ZNF469: variants seen among roughly 807,000 people sequenced by gnomAD.
The protein encoded by ZNF469 is zinc finger protein 469.
Under a neutral mutation model 1.0 loss-of-function variants are expected in ZNF469, and 1 was observed. The observed-to-expected ratio is 1.00, with a 90% CI of 0.35 to 4.73. The LOEUF is 4.73. ZNF469 is among the 30% of genes most tolerant of loss of function. ZNF469 has a pLI of 0.16. For synonymous variants in ZNF469, 2,703 were observed against 2,363.4 expected, an observed-to-expected ratio of 1.14 and a Z score of -4.17; for missense variants, 6,100 against 5,356.3, an observed-to-expected ratio of 1.14 and a Z score of -4.33.
the ZNF469 span, among the ~76,000 whole-genome samples, chr16:88,347,971 C>G: frequency 5.3e-5 from 8 of 152,232 alleles, no homozygotes; most frequent in African/African-American, 1.9e-4. Context: ...CGCCAGGTGT[C>G]AGGAGCCCAG....
the ZNF469 span, among the ~76,000 whole-genome samples, chr16:88,366,524 CCAT>C: frequency 1.3e-5 from 2 of 148,524 alleles, no homozygotes; most frequent in South Asian, 2.2e-4. Flanking sequence ...ATCATTATCA[CCAT>C]CATCATCATC....
In ZNF469 at chr16:88,437,520, C is replaced by T; in HGVS notation, c.10050C>T (p.Phe3350=). 1.3e-6 allele frequency: 2 copies of T among 1,542,642 alleles called. No individual in the cohort carries two copies. The highest frequency in any genetic ancestry group is 1.8e-6 in the Non-Finnish European group (2 of 1,141,750). Residue 3350 remains phenylalanine (F), a synonymous_variant, in exon 3 of 3, where the codon TTC becomes TTT. Coordinates refer to ENST00000565624, the MANE Select transcript of ZNF469 (RefSeq NM_001367624.2). ...GCGGGAAGCGCTTCCCCAAGCCCTTCAAGCTGCAGCGCCACCTGGCGGTGC... is the reference window on the plus strand; with the variant it reads ...GCGGGAAGCGCTTCCCCAAGCCCTTTAAGCTGCAGCGCCACCTGGCGGTGC... ...HHCGKRFPKP[F]KLQRHLAVHS... is the part of the protein sequence containing the mutation.
At chr16:88,355,968 G>A in the ZNF469 span, among the ~76,000 whole-genome samples, 20 of 152,124 alleles carry the variant, frequency 1.3e-4, no homozygotes, top group Admixed American at 5.9e-4. Context: ...TAAAGCCTCC[G>A]GCCTGGCAGA....
the ZNF469 span, among the ~76,000 whole-genome samples, chr16:88,164,709 G>A: frequency 1.3e-5 from 2 of 152,188 alleles, no homozygotes; most frequent in African/African-American, 2.4e-5. Context: ...CACAGGGCTG[G>A]CCATCAGGGC....
chr16:88,339,755 GAC>G, the ZNF469 span, among the ~76,000 whole-genome samples: 1 of 92,318 alleles, frequency 1.1e-5, no homozygotes. Context: ...ATGGGGGACA[GAC>G]TGGCAGGGGG....
chr16:88,205,656 A>G, the ZNF469 span, among the ~76,000 whole-genome samples: 5 of 152,298 alleles, frequency 3.3e-5, no homozygotes, highest in East Asian at 9.7e-4. This position sits in a 1 kb window ranked among gnomAD's most constrained non-coding sequence, Gnocchi z 4.2. Context: ...AGCACAGTAC[A>G]AGGCACGGAT....
chr16:88,334,062 G>A, the ZNF469 span, among the ~76,000 whole-genome samples: 1 of 151,434 alleles, frequency 6.6e-6, no homozygotes, highest in Non-Finnish European at 1.5e-5. Context: ...CTGTGTCTGT[G>A]TGTGTCTGTG....
chr16:88,232,200 A>G, the ZNF469 span, among the ~76,000 whole-genome samples: 1 of 152,322 alleles, frequency 6.6e-6, no homozygotes, highest in Admixed American at 6.5e-5. Context: ...GCACGAAATC[A>G]CGCTGAGTCC....
chr16:88,164,711 C>T, the ZNF469 span, among the ~76,000 whole-genome samples: 1 of 152,176 alleles, frequency 6.6e-6, no homozygotes, highest in Non-Finnish European at 1.5e-5. Context: ...CAGGGCTGGC[C>T]ATCAGGGCAG....
At chr16:88,390,239 G>A (rs536964070) in intron 1 of ZNF469, among the ~76,000 whole-genome samples, 107 of 152,282 alleles carry the variant, frequency 7.0e-4, no homozygotes, top group African/African-American at 2.4e-3. Flanking sequence ...TGGGCCCAGC[G>A]GGTCCTGGGA....
At chr16:88,130,252 T>C in the ZNF469 span, among the ~76,000 whole-genome samples, 1 of 152,108 alleles carries the variant, frequency 6.6e-6, no homozygotes, top group Non-Finnish European at 1.5e-5. Flanking sequence ...CGAGGCCATC[T>C]GGGGGTCTTC....
At chr16:88,333,725 C>T in the ZNF469 span, among the ~76,000 whole-genome samples, 1 of 132,738 alleles carries the variant, frequency 7.5e-6, no homozygotes, top group Non-Finnish European at 1.7e-5. Context: ...CCCACGGATG[C>T]GGGCCCGCGA....
At position 88,438,077 on chromosome 16, in the gene ZNF469, A is replaced by C. The variant is rs1427701633; in HGVS notation, c.10607A>C (p.His3536Pro). 4 of 1,550,212 alleles carry C rather than the reference A, an allele frequency of 2.6e-6. No homozygotes were observed. Among genetic ancestry groups the C allele is most frequent in the Non-Finnish European group, 2.6e-6 (3 of 1,146,922 alleles). The change falls in exon 3 of 3, where the codon CAC (histidine) becomes CCC (proline). Residue 3536 changes from histidine to proline, a missense_variant. His to Pro is a moderately conservative substitution (Grantham distance 77, BLOSUM62 -2). Coordinates refer to ENST00000565624, the MANE Select transcript of ZNF469 (RefSeq NM_001367624.2). Reference sequence around the variant, plus strand: ...GAGAGGCCTGTAGACCCCGTGACCCACCCGATCAGAGGTTGTGAGCTGCCA... The same window carrying C: ...GAGAGGCCTGTAGACCCCGTGACCCCCCCGATCAGAGGTTGTGAGCTGCCA... The part of the protein sequence containing the change: ...TLERPVDPVT[H>P]PIRGCELPSN...
At chr16:88,407,366 T>A (rs1056027149) in intron 1 of ZNF469, among the ~76,000 whole-genome samples, 1 of 152,232 alleles carries the variant, frequency 6.6e-6, no homozygotes, top group African/African-American at 2.4e-5. Flanking sequence ...CTTCTCAGTG[T>A]TACGCGAAGG....
At chr16:88,197,439 G>A in the ZNF469 span, among the ~76,000 whole-genome samples, 1 of 152,176 alleles carries the variant, frequency 6.6e-6, no homozygotes, top group Non-Finnish European at 1.5e-5. Context: ...CACAGTTAAT[G>A]TTTATCCCAC....
chr16:88,254,451 T>G, the ZNF469 span, among the ~76,000 whole-genome samples: 24 of 152,224 alleles, frequency 1.6e-4, no homozygotes, highest in Non-Finnish European at 1.5e-5. Context: ...TCTAATTGTG[T>G]TGTTCTCTTT....
the ZNF469 span, among the ~76,000 whole-genome samples, chr16:88,181,444 C>A: frequency 1.3e-5 from 2 of 152,186 alleles, no homozygotes; most frequent in Non-Finnish European, 2.9e-5. Flanking sequence ...TAAAACAGAT[C>A]TCAACAAATT....
At chr16:88,149,595 G>C in the ZNF469 span, among the ~76,000 whole-genome samples, 3 of 152,264 alleles carry the variant, frequency 2.0e-5, no homozygotes, top group African/African-American at 7.2e-5. Context: ...CAGTCCAAAA[G>C]TAGCAAGGGG....
At chr16:88,285,343 T>C in the ZNF469 span, among the ~76,000 whole-genome samples, 1 of 152,244 alleles carries the variant, frequency 6.6e-6, no homozygotes, top group African/African-American at 2.4e-5. Flanking sequence ...GAGCGGTCTC[T>C]AACCCTCGGC....
Sources: gnomAD v4.1 joint callset for allele counts (sites outside exome capture counted in the v4.1 genomes callset) on GRCh38, gnomAD v4.1.1 for gene constraint, Gnocchi (gnomAD v3.1) non-coding constraint, MANE v1.5 for transcripts, NCBI Gene and HGNC (gene_info 2026-07-23, HGNC 2026-07-21) for gene names.